Variants in CLDN8 observed in about 807,000 individuals in gnomAD.
CLDN8 encodes claudin 8.
CLDN8 carries 2 observed loss-of-function variants against 2.2 expected under a neutral mutation model. The observed-to-expected ratio is 0.90, with a 90% CI of 0.37 to 2.82. The LOEUF (loss-of-function observed/expected upper bound fraction) is 2.82. Ranked by LOEUF, CLDN8 falls within the 30% of genes most tolerant of loss-of-function variation. CLDN8 has a pLI of 0.10. For missense variants in CLDN8, 314 were observed against 280.5 expected (o/e 1.12, Z -0.85); for synonymous variants, 107 against 104.8 (o/e 1.02, Z -0.13).
rs146073584 is a variant in CLDN8 at position 30,215,302 on chromosome 21, A to T, written c.624T>A (p.Ser208Arg). 42 of 1,614,158 alleles carry T rather than the reference A, an allele frequency of 2.6e-5. No homozygotes were observed. The East Asian group carries it at 8.9e-4, about 34-fold the overall frequency. The change falls in exon 1 of 1, where the codon AGT becomes AGA. Residue 208 changes from serine (S) to arginine (R), a missense_variant. Ser to Arg is a moderately radical substitution (Grantham distance 110). Coordinates refer to ENST00000399899, the MANE Select transcript of CLDN8 (RefSeq NM_199328.3). ...SIPSHRTTQK[S>R]YHTGKKSPSV... ...TCGGTGACTTCTTTCCGGTGTGATA[A>T]CTTTTTTGGGTTGTGCGATGGGAAG...
rs1978973923 is a variant in CLDN8, at chr21:30,215,999, C to T, written c.-74G>A. 5.2e-6 allele frequency: 7 copies of T among 1,334,840 alleles called. No homozygotes were observed. Among genetic ancestry groups the T allele is most frequent in the Non-Finnish European group, 7.2e-6 (7 of 969,796 alleles). 82.7% of individuals were successfully genotyped at this position (1,334,840 alleles called of 1,614,324 possible). On this transcript the variant is annotated 5_prime_UTR_variant, in exon 1 of 1. Coordinates refer to ENST00000399899, the MANE Select transcript of CLDN8 (RefSeq NM_199328.3). ...CTGCTTTGAAGCAGGGTTCTCTGTG[C>T]CACAGAAGAGAACAGTTTTTCCTGT...
chr21:30,215,718 G>A lies in CLDN8; in HGVS notation c.208C>T (p.Leu70=), dbSNP rs1978955788. The A allele has an allele frequency of 6.2e-7, 1 of 1,614,006 alleles. No homozygotes were observed. Among genetic ancestry groups the A allele is most frequent in the Non-Finnish European group, 8.5e-7 (1 of 1,180,018 alleles). Residue 70 remains leucine, a synonymous_variant, in exon 1 of 1, where the codon CTG becomes TTG. Transcript: ENST00000399899. ...IRMQCKIYDS[L]LALSPDLQAA... is the part of the protein sequence containing the mutation. ...TGTAGGTCCGGAGAAAGAGCCAGCA[G>A]GGAATCATAGATTTTGCACTGCATC... is the stretch of plus-strand genomic sequence containing the variant.
Position 30,215,857 on chromosome 21 carries a change from A to G in CLDN8, c.69T>C (p.Ala23=), listed in dbSNP as rs749962253. 3 of 1,613,940 alleles carry G rather than the reference A, an allele frequency of 1.9e-6. No individual in the cohort carries two copies. The highest frequency in any genetic ancestry group is 2.5e-6 in the Non-Finnish European group (3 of 1,179,850). The change falls in exon 1 of 1, where the codon GCT becomes GCC. Residue 23 remains alanine (A), a synonymous_variant. Transcript: ENST00000399899. ...LGGVGMVGTV[A]VTVMPQWRVS... ...CTCTCCACTGAGGCATGACAGTGAC[A>G]GCCACTGTGCCCACCATTCCAACAC... is the stretch of plus-strand genomic sequence containing the variant.
rs753772677 is a variant in CLDN8, at chr21:30,215,844, G to A, written c.82C>T (p.Pro28Ser). The A allele has an allele frequency of 5.0e-6, 8 of 1,613,760 alleles. No individual in the cohort carries two copies. The East Asian group carries it at 8.9e-5, about 18-fold the overall frequency. ...ATGAAGGCCGACACTCTCCACTGAG[G>A]CATGACAGTGACAGCCACTGTGCCC... ...MVGTVAVTVM[P>S]QWRVSAFIEN... The change falls in exon 1 of 1, where the codon CCT becomes TCT. Residue 28 changes from proline to serine, a missense_variant. By Grantham distance (74) the Pro-to-Ser change is moderately conservative. Coordinates refer to ENST00000399899, the MANE Select transcript of CLDN8 (RefSeq NM_199328.3).
Position 30,216,037 on chromosome 21 carries a change from G to T in CLDN8, c.-112C>A. 1 of 937,224 alleles carries T rather than the reference G, an allele frequency of 1.1e-6. No individual in the cohort carries two copies. 58.1% of individuals were successfully genotyped at this position (937,224 alleles called of 1,614,324 possible). On this transcript the variant is annotated 5_prime_UTR_variant, in exon 1 of 1. Transcript: ENST00000399899. ...CAGTTTTTCCTGTAGTAATGAACTCGGAACCCAGTGGTTTTTCAAATAAGA... is the reference window on the plus strand; with the variant it reads ...CAGTTTTTCCTGTAGTAATGAACTCTGAACCCAGTGGTTTTTCAAATAAGA...
rs183221587 is a variant in CLDN8 at position 30,215,007 on chromosome 21, G to T, written c.*241C>A. ...GAAGTAAATGATAAAAAGAGTAGATGCTTGAACCACCTTAGAAAACAAATT... is the reference window on the plus strand; with the variant it reads ...GAAGTAAATGATAAAAAGAGTAGATTCTTGAACCACCTTAGAAAACAAATT... On this transcript the variant is annotated 3_prime_UTR_variant, in exon 1 of 1. Transcript: ENST00000399899. 4.0e-5 allele frequency: 19 copies of T among 474,208 alleles called. No individual in the cohort carries two copies. In the East Asian group the frequency reaches 4.9e-4, roughly 12 times the overall value. The allele number at this position is 474,208 out of a possible 1,614,324, so 29.4% of individuals were successfully genotyped here.
In CLDN8 at chr21:30,215,239, C is replaced by A; in HGVS notation, c.*9G>T. ...TGGCTTTATAGTAAAGTTAAAAAAACATACACAACTACACATACTGACTTC... is the reference window on the plus strand; with the variant it reads ...TGGCTTTATAGTAAAGTTAAAAAAAAATACACAACTACACATACTGACTTC... On this transcript the variant is annotated 3_prime_UTR_variant, in exon 1 of 1. Transcript: ENST00000399899. 6.2e-7 allele frequency: 1 copy of A among 1,605,264 alleles called. No homozygotes were observed. The highest frequency in any genetic ancestry group is 8.5e-7 in the Non-Finnish European group (1 of 1,173,816).
rs567735724 is a variant in CLDN8 at position 30,215,701 on chromosome 21, C to A, written c.225G>T (p.Pro75=). ...KIYDSLLALS[P]DLQAARGLMC... The stretch of plus-strand genomic sequence containing the variant: ...TCAGTCCTCTGGCTGCCTGTAGGTC[C>A]GGAGAAAGAGCCAGCAGGGAATCAT... Residue 75 remains proline, a synonymous_variant, in exon 1 of 1, where the codon CCG becomes CCT. Coordinates refer to ENST00000399899, the MANE Select transcript of CLDN8 (RefSeq NM_199328.3). 19 of 1,614,106 alleles carry A rather than the reference C, an allele frequency of 1.2e-5. No homozygotes were observed. In the South Asian group the frequency reaches 2.1e-4, roughly 18 times the overall value.
At position 30,214,424 on chromosome 21, in the gene CLDN8, C is replaced by T. The variant is rs1249388414; in HGVS notation, c.*824G>A. ...TATATGATTTCTTGTCAAAATGCAT[C>T]ATTCTTCTTCAAATACAAAAACAAA... is the stretch of plus-strand genomic sequence containing the variant. On this transcript the variant is annotated 3_prime_UTR_variant, in exon 1 of 1. Transcript: ENST00000399899. 1 of 151,990 alleles carries T rather than the reference C, an allele frequency of 6.6e-6. No individual in the cohort carries two copies. The highest frequency in any genetic ancestry group is 2.4e-5 in the African/African-American group (1 of 41,396). 9.4% of individuals were successfully genotyped at this position (151,990 alleles called of 1,614,324 possible). A position where few individuals can be genotyped will look rare whatever the true frequency, so the allele number is the denominator to read the frequency against.
Position 30,214,753 on chromosome 21 carries a change from G to A in CLDN8, c.*495C>T, listed in dbSNP as rs1257073785. 6.5e-6 allele frequency: 1 copy of A among 153,638 alleles called. No homozygotes were observed. The highest frequency in any genetic ancestry group is 1.5e-5 in the Non-Finnish European group (1 of 68,830). The allele number at this position is 153,638 out of a possible 1,614,324, so 9.5% of individuals were successfully genotyped here. A position where few individuals can be genotyped will look rare whatever the true frequency, so the allele number is the denominator to read the frequency against. On this transcript the variant is annotated 3_prime_UTR_variant, in exon 1 of 1. Transcript: ENST00000399899. ...AATGGAGGACATTAATCCCTAAGCT[G>A]TTTTTAAACAATTAATAGTAACCTT...
Position 30,214,335 on chromosome 21 carries a change from T to C in CLDN8, c.*913A>G, listed in dbSNP as rs1006404238. ...AAAACCAAGACATATTTTTCTGCTC[T>C]TTTATTTATATTGATGAAACCTCAA... On this transcript the variant is annotated 3_prime_UTR_variant, in exon 1 of 1. Coordinates refer to ENST00000399899, the MANE Select transcript of CLDN8 (RefSeq NM_199328.3). 8.5e-5 allele frequency: 13 copies of C among 152,138 alleles called. No homozygotes were observed. Among genetic ancestry groups the C allele is most frequent in the African/African-American group, 3.1e-4 (13 of 41,464 alleles). 9.4% of individuals were successfully genotyped at this position (152,138 alleles called of 1,614,324 possible). A position where few individuals can be genotyped will look rare whatever the true frequency, so the allele number is the denominator to read the frequency against.
chr21:30,215,304 T>A lies in CLDN8; in HGVS notation c.622A>T (p.Ser208Cys), dbSNP rs760239486. Residue 208 changes from serine to cysteine, a missense_variant, in exon 1 of 1, where the codon AGT becomes TGT. Coordinates refer to ENST00000399899, the MANE Select transcript of CLDN8 (RefSeq NM_199328.3). The part of the protein sequence containing the change: ...SIPSHRTTQK[S>C]YHTGKKSPSV... Reference sequence around the variant, plus strand: ...GGTGACTTCTTTCCGGTGTGATAACTTTTTTGGGTTGTGCGATGGGAAGGT... The same window carrying A: ...GGTGACTTCTTTCCGGTGTGATAACATTTTTGGGTTGTGCGATGGGAAGGT... The A allele has an allele frequency of 3.7e-6, 6 of 1,614,012 alleles. No homozygotes were observed. Among genetic ancestry groups the A allele is most frequent in the Non-Finnish European group, 5.1e-6 (6 of 1,179,978 alleles).
chr21:30,214,593 G>T lies in CLDN8; in HGVS notation c.*655C>A, dbSNP rs894107527. ...TTAAAAATGTTAATTTAATACACAAGAAAAAAAAAGCCTCTGGGAGAAGAG... is the reference window on the plus strand; with the variant it reads ...TTAAAAATGTTAATTTAATACACAATAAAAAAAAAGCCTCTGGGAGAAGAG... On this transcript the variant is annotated 3_prime_UTR_variant, in exon 1 of 1. Coordinates refer to ENST00000399899, the MANE Select transcript of CLDN8 (RefSeq NM_199328.3). 3 of 149,310 alleles carry T rather than the reference G, an allele frequency of 2.0e-5. No homozygotes were observed. The highest frequency in any genetic ancestry group is 6.7e-5 in the Admixed American group (1 of 14,968). The allele number at this position is 149,310 out of a possible 1,614,324, so 9.2% of individuals were successfully genotyped here.
Position 30,215,042 on chromosome 21 carries a change from T to C in CLDN8, c.*206A>G, listed in dbSNP as rs1978905313. 1.8e-6 allele frequency: 1 copy of C among 557,376 alleles called. No homozygotes were observed. The highest frequency in any genetic ancestry group is 3.2e-5 in the Admixed American group (1 of 31,110). The allele number at this position is 557,376 out of a possible 1,614,324, so 34.5% of individuals were successfully genotyped here. ...CCTTAGAAAACAAATTACTATACTT[T>C]CTAGAACAATCAAAGCATTGGGTTT... On this transcript the variant is annotated 3_prime_UTR_variant, in exon 1 of 1. Coordinates refer to ENST00000399899, the MANE Select transcript of CLDN8 (RefSeq NM_199328.3).
chr21:30,214,956 A>G lies in CLDN8; in HGVS notation c.*292T>C. The stretch of plus-strand genomic sequence containing the variant: ...CGTGGAGAAATTACAGTAGTAAAAT[A>G]ATGCAGTCTTTAGCAATGTCATTTT... On this transcript the variant is annotated 3_prime_UTR_variant, in exon 1 of 1. Transcript: ENST00000399899. 1 of 339,520 alleles carries G rather than the reference A, an allele frequency of 2.9e-6. No individual in the cohort carries two copies. The allele number at this position is 339,520 out of a possible 1,614,324, so 21.0% of individuals were successfully genotyped here.
rs139320130 is a variant in CLDN8 at position 30,215,197 on chromosome 21, G to C, written c.*51C>G. On this transcript the variant is annotated 3_prime_UTR_variant, in exon 1 of 1. Coordinates refer to ENST00000399899, the MANE Select transcript of CLDN8 (RefSeq NM_199328.3). Reference sequence around the variant, plus strand: ...GGGTCCATTTTGAGAAAGTAATATAGATTTTTGTCATTTGCATGGCTTTAT... The same window carrying C: ...GGGTCCATTTTGAGAAAGTAATATACATTTTTGTCATTTGCATGGCTTTAT... 184 of 1,501,306 alleles carry C rather than the reference G, an allele frequency of 1.2e-4. No individual in the cohort carries two copies. In the African/African-American group the frequency reaches 2.3e-3, roughly 19 times the overall value. The allele number at this position is 1,501,306 out of a possible 1,614,324, so 93.0% of individuals were successfully genotyped here.
Position 30,214,298 on chromosome 21 carries a change from G to A in CLDN8, c.*950C>T, listed in dbSNP as rs1978871399. 6.6e-6 allele frequency: 1 copy of A among 151,824 alleles called. No homozygotes were observed. The highest frequency in any genetic ancestry group is 1.5e-5 in the Non-Finnish European group (1 of 67,900). 9.4% of individuals were successfully genotyped at this position (151,824 alleles called of 1,614,324 possible). A position where few individuals can be genotyped will look rare whatever the true frequency, so the allele number is the denominator to read the frequency against. ...CAACTTTTTTTGTTGTTGTTTTTTT[G>A]GTAAGCAAATGAAAACCAAGACATA... is the stretch of plus-strand genomic sequence containing the variant. On this transcript the variant is annotated 3_prime_UTR_variant, in exon 1 of 1. Transcript: ENST00000399899.
chr21:30,215,257 C>G lies in CLDN8; in HGVS notation c.669G>C (p.Gln223His). 6.2e-7 allele frequency: 1 copy of G among 1,613,964 alleles called. No individual in the cohort carries two copies. The highest frequency in any genetic ancestry group is 8.5e-7 in the Non-Finnish European group (1 of 1,179,836). ...AAAAAAACATACACAACTACACATA[C>G]TGACTTCTGGAGTAGACGCTCGGTG... Reference protein sequence around the residue: ...KKSPSVYSRSQYV With the variant: ...KKSPSVYSRSHYV Residue 223 changes from glutamine (Q) to histidine (H), a missense_variant, in exon 1 of 1, where the codon CAG (glutamine) becomes CAC (histidine). By Grantham distance (24) the Gln-to-His change is conservative. Transcript: ENST00000399899.
chr21:30,215,988 G>A lies in CLDN8; in HGVS notation c.-63C>T. On this transcript the variant is annotated 5_prime_UTR_variant, in exon 1 of 1. Coordinates refer to ENST00000399899, the MANE Select transcript of CLDN8 (RefSeq NM_199328.3). ...AACTGCTACTTCTGCTTTGAAGCAG[G>A]GTTCTCTGTGCCACAGAAGAGAACA... 7.1e-7 allele frequency: 1 copy of A among 1,415,110 alleles called. No individual in the cohort carries two copies. Among genetic ancestry groups the A allele is most frequent in the Non-Finnish European group, 9.6e-7 (1 of 1,036,550 alleles). 87.7% of individuals were successfully genotyped at this position (1,415,110 alleles called of 1,614,324 possible).
Sources: allele counts gnomAD v4.1 joint callset, GRCh38; gene constraint gnomAD v4.1.1; transcripts MANE v1.5; gene names NCBI Gene and HGNC (gene_info 2026-07-23, HGNC 2026-07-21).